The following CACNB2 variants were observed in gnomAD, a reference collection of about 807,000 sequenced individuals.
The protein encoded by CACNB2 is voltage-dependent L-type calcium channel subunit beta-2.
CACNB2 carries 42 observed loss-of-function variants against 73.3 expected under a neutral mutation model. The observed-to-expected ratio is 0.57, with a 90% CI of 0.45 to 0.74. CACNB2 has a LOEUF of 0.74. Among genes scored for constraint, CACNB2 ranks in the 30% least tolerant of loss-of-function variants. The pLI, the probability that CACNB2 is intolerant of heterozygous loss-of-function variation, is 0.00. For missense variants in CACNB2, 940 were observed against 853.0 expected (o/e 1.10, Z -1.27); for synonymous variants, 348 against 310.3 (o/e 1.12, Z -1.28).
intron 2 of CACNB2, among the ~76,000 whole-genome samples, chr10:18,201,572 C>G (rs1170152492): frequency 6.6e-6 from 1 of 152,094 alleles, no homozygotes; most frequent in Non-Finnish European, 1.5e-5. Flanking sequence ...AGTATCATTT[C>G]TATGTGTTGT....
chr10:18,282,102 A>G (rs555147440), intron 2 of CACNB2, among the ~76,000 whole-genome samples: 30 of 151,962 alleles, frequency 2.0e-4, no homozygotes, highest in African/African-American at 7.0e-4. Context: ...GTCCACTTTA[A>G]GGATGGCAGT....
chr10:18,175,345 G>A (rs893087355), intron 2 of CACNB2, among the ~76,000 whole-genome samples: 3 of 152,154 alleles, frequency 2.0e-5, no homozygotes, highest in Non-Finnish European at 2.9e-5. Context: ...CCCCAAATAC[G>A]CAGCTGGCCA....
chr10:18,170,072 G>C (rs1285408867), intron 2 of CACNB2, among the ~76,000 whole-genome samples: 3 of 152,192 alleles, frequency 2.0e-5, no homozygotes, highest in Admixed American at 2.0e-4. Flanking sequence ...CATTGGCTCT[G>C]GTTGGATGAT....
intron 10 of CACNB2, 128 bp downstream of exon 10, chr10:18,527,825 G>T: frequency 2.8e-6 from 2 of 709,678 alleles, no homozygotes; most frequent in East Asian, 5.4e-5. Context: ...GCTGCCAGTC[G>T]CTGTTGCTAT....
At chr10:18,493,304 G>A (rs1589533304) in intron 3 of CACNB2, among the ~76,000 whole-genome samples, 1 of 152,108 alleles carries the variant, frequency 6.6e-6, no homozygotes, top group Non-Finnish European at 1.5e-5. Flanking sequence ...GAGTAGCTGG[G>A]ATTACAGGTC....
At chr10:18,188,194 T>TCCTTCCTG (rs994399245) in intron 2 of CACNB2, among the ~76,000 whole-genome samples, 2 of 152,090 alleles carry the variant, frequency 1.3e-5, no homozygotes, top group African/African-American at 2.4e-5. Flanking sequence ...CTTATCTCCT[T>TCCTTCCTG]CCTTCCTGCC....
intron 3 of CACNB2, among the ~76,000 whole-genome samples, chr10:18,418,860 A>G (rs2045156203): frequency 6.6e-6 from 1 of 152,234 alleles, no homozygotes; most frequent in Non-Finnish European, 1.5e-5. Flanking sequence ...AAAAATGTAC[A>G]GTCTAATCTT....
intron 2 of CACNB2, among the ~76,000 whole-genome samples, chr10:18,183,357 C>A (rs534406928): frequency 2.1e-4 from 32 of 152,056 alleles, no homozygotes; most frequent in African/African-American, 7.7e-4. Flanking sequence ...TTAAAAAACT[C>A]CTGCTGGTCA....
intron 2 of CACNB2, among the ~76,000 whole-genome samples, chr10:18,314,357 A>G (rs1171916449): frequency 6.6e-6 from 1 of 152,206 alleles, no homozygotes; most frequent in Non-Finnish European, 1.5e-5. Context: ...TTGGATAAGG[A>G]GATTACAAAG....
intron 2 of CACNB2, among the ~76,000 whole-genome samples, chr10:18,176,302 C>T (rs1055035567): frequency 6.6e-6 from 1 of 152,126 alleles, no homozygotes; most frequent in Admixed American, 6.6e-5. Context: ...GAGACAGTCT[C>T]TGATTCCAGG....
intron 1 of CACNB2, among the ~76,000 whole-genome samples, chr10:18,146,306 A>ATTTTTTTTT (rs10714038): frequency 5.0e-5 from 6 of 118,940 alleles, no homozygotes; most frequent in African/African-American, 6.6e-5. Context: ...ATGGAGACTA[A>ATTTTTTTTT]TTTTTTTTTT....
chr10:18,164,289 T>C (rs564183826), intron 2 of CACNB2, among the ~76,000 whole-genome samples: 112 of 152,338 alleles, frequency 7.4e-4, no homozygotes, highest in African/African-American at 2.4e-3. Context: ...CACTGACTAA[T>C]AGACGTTTTC....
chr10:18,394,969 A>G (rs1217576863), intron 2 of CACNB2, among the ~76,000 whole-genome samples: 2 of 152,164 alleles, frequency 1.3e-5, no homozygotes, highest in Non-Finnish European at 2.9e-5. Context: ...TTCACTAACA[A>G]CAACTTAAAT....
chr10:18,175,722 T>C (rs1034258327), intron 2 of CACNB2, among the ~76,000 whole-genome samples: 2 of 152,196 alleles, frequency 1.3e-5, no homozygotes, highest in East Asian at 3.8e-4. Context: ...CTCAGCCTCC[T>C]GAATAGCTGG....
intron 3 of CACNB2, among the ~76,000 whole-genome samples, chr10:18,491,883 A>G (rs1225735117): frequency 6.6e-6 from 1 of 151,492 alleles, no homozygotes; most frequent in African/African-American, 2.4e-5. Flanking sequence ...GAAAATCAGA[A>G]TGAAAGAGAT....
chr10:18,364,197 A>T (rs558241695), intron 2 of CACNB2, among the ~76,000 whole-genome samples: 20 of 151,698 alleles, frequency 1.3e-4, no homozygotes, highest in African/African-American at 4.8e-4. Flanking sequence ...CAGGTGATCC[A>T]CCCACCTCAG....
In CACNB2 at chr10:18,543,261, T is replaced by G. The variant is rs957585403; in HGVS notation, c.*3537T>G. 1 of 152,142 alleles carries G rather than the reference T, an allele frequency of 6.6e-6. No homozygotes were observed. The highest frequency in any genetic ancestry group is 1.5e-5 in the Non-Finnish European group (1 of 68,012). The allele number at this position is 152,142 out of a possible 1,614,324, so 9.4% of individuals were successfully genotyped here. A position where few individuals can be genotyped will look rare whatever the true frequency, so the allele number is the denominator to read the frequency against. On this transcript the variant is annotated 3_prime_UTR_variant, in exon 14 of 14. Transcript: ENST00000324631. ...TTTCTTGGGGCAATGCTAAATACTT[T>G]ATGTTCCTTTAGTAATCTTCCTATT...
chr10:18,428,391 A>G (rs1459354308), intron 3 of CACNB2, among the ~76,000 whole-genome samples: 1 of 152,068 alleles, frequency 6.6e-6, no homozygotes, highest in Non-Finnish European at 1.5e-5. Context: ...TTCTTTCTTT[A>G]AGAATTACTT....
chr10:18,232,675 A>G (rs1022115733), intron 2 of CACNB2, among the ~76,000 whole-genome samples: 4 of 152,230 alleles, frequency 2.6e-5, no homozygotes, highest in African/African-American at 9.6e-5. Context: ...AAAATTTGCT[A>G]TCATAAAAGA....
Sources: allele counts gnomAD v4.1 joint callset (sites outside exome capture counted in the v4.1 genomes callset), GRCh38; gene constraint gnomAD v4.1.1; transcripts MANE v1.5; gene names NCBI Gene and HGNC (gene_info 2026-07-23, HGNC 2026-07-21).